RPH3AL: variants seen among roughly 807,000 people sequenced by gnomAD.
RPH3AL encodes rab effector Noc2.
In RPH3AL, 38 loss-of-function variants were observed where a neutral mutation model predicts 43.1. That is an observed-to-expected ratio of 0.88 (90% CI 0.68 to 1.15). The LOEUF is 1.15. Among genes scored for constraint, RPH3AL ranks in the 50% most tolerant of loss-of-function variants. RPH3AL has a pLI of 0.00. For missense variants in RPH3AL, 462 were observed against 423.2 expected (o/e 1.09, Z -0.81); for synonymous variants, 189 against 176.3 (o/e 1.07, Z -0.57).
rs184909960 is a variant in RPH3AL, at chr17:277,593, G to A, written c.438+4175C>T. Reference sequence around the variant, plus strand: ...GCAGACAGAGTACCCTTTAAAAGAGGGGGAGATCGGATTCTGTCTCCGCTT... The same window carrying A: ...GCAGACAGAGTACCCTTTAAAAGAGAGGGAGATCGGATTCTGTCTCCGCTT... On this transcript the variant is annotated intron_variant, in intron 6 of 9. Coordinates refer to ENST00000331302, the MANE Select transcript of RPH3AL (RefSeq NM_006987.4). 8.9e-4 allele frequency among the ~76,000 whole-genome samples: 135 copies of A among 152,298 alleles called. 2 individuals carry two copies. Among genetic ancestry groups the A allele is most frequent in the African/African-American group, 3.1e-3 (129 of 41,548 alleles).
rs1025660879 is a variant in RPH3AL, at chr17:274,103, G to C, written c.438+7665C>G. On this transcript the variant is annotated intron_variant, in intron 6 of 9. Transcript: ENST00000331302. The surrounding 1 kb of genome is among the most constrained non-coding windows in gnomAD (Gnocchi z 4.7). ...GTTTTCGTTTAGTGGATAGGGATTC[G>C]AGGCTAAACAGTAAATGAAATGAAT... 6.6e-6 allele frequency among the ~76,000 whole-genome samples: 1 copy of C among 152,184 alleles called. No individual in the cohort carries two copies. Among genetic ancestry groups the C allele is most frequent in the Admixed American group, 6.5e-5 (1 of 15,276 alleles).
chr17:293,857 C>A (rs539534426), intron 5 of RPH3AL, among the ~76,000 whole-genome samples: 1 of 152,026 alleles, frequency 6.6e-6, no homozygotes, highest in East Asian at 1.9e-4. Context: ...GGCGAAACCC[C>A]GTCTCTACTA....
chr17:249,917 T>C (rs1322955004), intron 6 of RPH3AL, among the ~76,000 whole-genome samples: 4 of 148,306 alleles, frequency 2.7e-5, no homozygotes, highest in African/African-American at 1.0e-4. Context: ...TCTCAGAGCC[T>C]TTACTAAGCT....
intron 6 of RPH3AL, among the ~76,000 whole-genome samples, chr17:273,064 AGGGCGACGTCAGGGAGAGACCCCAGCG>A (rs2042542685): frequency 2.1e-5 from 3 of 142,816 alleles, no homozygotes; most frequent in East Asian, 4.4e-4. Flanking sequence ...GACCCCAGCG[AGGGCGACGTCAGGGAGAGACCCCAGCG>A]AGGGTGACGT....
At position 306,249 on chromosome 17, in the gene RPH3AL, G is replaced by A. The variant is rs112258801; in HGVS notation, c.351+13171C>T. Among the ~76,000 whole-genome samples the A allele has an allele frequency of 1.4e-3, 219 of 151,116 alleles. 1 individual carries two copies. Among genetic ancestry groups the A allele is most frequent in the African/African-American group, 5.0e-3 (205 of 41,076 alleles). On this transcript the variant is annotated intron_variant, in intron 5 of 9. Transcript: ENST00000331302. ...GCCCCCCTGGAACCCCAGCTCCACC[G>A]CCAACATGCCCCACGAGCCCCTTCC...
rs2151609299 is a variant in RPH3AL, at chr17:283,423, AGGTAC to A, written c.352-1574_352-1570del. Among the ~76,000 whole-genome samples the A allele has an allele frequency of 6.6e-6, 1 of 152,308 alleles. No individual in the cohort carries two copies. The highest frequency in any genetic ancestry group is 2.4e-5 in the African/African-American group (1 of 41,568). On this transcript the variant is annotated intron_variant, in intron 5 of 9. Coordinates refer to ENST00000331302, the MANE Select transcript of RPH3AL (RefSeq NM_006987.4). This position sits in a 1 kb window ranked among gnomAD's most constrained non-coding sequence, Gnocchi z 4.2. Reference sequence around the variant, plus strand: ...ACGGATTTGCTACCATCCAATGCTCAGGTACGAGAAATGTCACCTTTTATTTATCC... The same window carrying A: ...ACGGATTTGCTACCATCCAATGCTCAGAGAAATGTCACCTTTTATTTATCC...
intron 1 of RPH3AL, among the ~76,000 whole-genome samples, chr17:337,463 T>C (rs1272245880): frequency 1.4e-4 from 21 of 152,158 alleles, no homozygotes; most frequent in Admixed American, 1.4e-3. Context: ...GCTGGCCTCC[T>C]TAACCTGCCT....
chr17:341,754 T>C (rs1163544588), intron 1 of RPH3AL, among the ~76,000 whole-genome samples: 3 of 152,172 alleles, frequency 2.0e-5, no homozygotes, highest in Non-Finnish European at 4.4e-5. Context: ...TGCCGTGCTG[T>C]TTAGGTTCAT....
chr17:219,571 G>T, intron 8 of RPH3AL, 52 bp downstream of exon 8: 1 of 650,746 alleles, frequency 1.5e-6, no homozygotes. Context: ...TGTTGCCCAG[G>T]CTGGAGTGCA....
chr17:327,342 C>T, intron 3 of RPH3AL, 125 bp downstream of exon 3: 1 of 804,428 alleles, frequency 1.2e-6, no homozygotes, highest in Middle Eastern at 2.4e-4. Flanking sequence ...GTGTGGCATG[C>T]ATCCGACAGG....
chr17:237,343 C>T (rs2041422571), intron 7 of RPH3AL, among the ~76,000 whole-genome samples: 1 of 152,204 alleles, frequency 6.6e-6, no homozygotes, highest in Non-Finnish European at 1.5e-5. Flanking sequence ...TGTAAGGGAA[C>T]CAGTGTGTCA....
At chr17:227,312 G>C (rs975696708) in intron 7 of RPH3AL, among the ~76,000 whole-genome samples, 9 of 149,642 alleles carry the variant, frequency 6.0e-5, no homozygotes, top group African/African-American at 2.2e-4. Context: ...GGAAACGCAG[G>C]GTTTTGGTAC....
rs777370423 is a variant in RPH3AL at position 321,428 on chromosome 17, C to T, written c.78-13G>A. The stretch of plus-strand genomic sequence containing the variant: ...GCCCGTCTGCAGCCTCGAGAGGGAA[C>T]AGCACAGACGGCGTGGAGGCCTCCC... On this transcript the variant is annotated splice_polypyrimidine_tract_variant and intron_variant, in intron 3 of 9. Transcript: ENST00000331302. The T allele has an allele frequency of 1.9e-6, 3 of 1,593,456 alleles. No individual in the cohort carries two copies. The highest frequency in any genetic ancestry group is 8.5e-7 in the Non-Finnish European group (1 of 1,171,416).
rs1289678357 is a variant in RPH3AL at position 264,461 on chromosome 17, G to C, written c.439-17176C>G. Among the ~76,000 whole-genome samples, 8 of 144,412 alleles carry C rather than the reference G, an allele frequency of 5.5e-5. No homozygotes were observed. Among genetic ancestry groups the C allele is most frequent in the African/African-American group, 2.0e-4 (8 of 39,462 alleles). 94.7% of individuals were successfully genotyped at this position (144,412 alleles called of 152,430 possible). A position where few individuals can be genotyped will look rare whatever the true frequency, so the allele number is the denominator to read the frequency against. Reference sequence around the variant, plus strand: ...ATGTTGACAGCAGGATTACCCTTCGGAGCCGCGAGCGCTGGATGGGGACTC... The same window carrying C: ...ATGTTGACAGCAGGATTACCCTTCGCAGCCGCGAGCGCTGGATGGGGACTC... On this transcript the variant is annotated intron_variant, in intron 6 of 9. Coordinates refer to ENST00000331302, the MANE Select transcript of RPH3AL (RefSeq NM_006987.4). The surrounding 1 kb of genome is among the most constrained non-coding windows in gnomAD (Gnocchi z 4.8).
At position 333,341 on chromosome 17, in the gene RPH3AL, A is replaced by C; in HGVS notation, c.-37+418T>G. On this transcript the variant is annotated intron_variant, in intron 2 of 9. Transcript: ENST00000331302. This position sits in a 1 kb window ranked among gnomAD's most constrained non-coding sequence, Gnocchi z 4.5. ...TAAAGAGAAAACACCTTAAATTCTC[A>C]CATCAGCCACCCCCATGGCGACTCT... 6.7e-4 allele frequency: 837 copies of C among 1,250,146 alleles called. No homozygotes were observed. Among genetic ancestry groups the C allele is most frequent in the Middle Eastern group, 1.3e-3 (4 of 3,010 alleles). 77.4% of individuals were successfully genotyped at this position (1,250,146 alleles called of 1,614,324 possible).
At chr17:316,464 C>A in intron 5 of RPH3AL, among the ~76,000 whole-genome samples, 1 of 151,258 alleles carries the variant, frequency 6.6e-6, no homozygotes, top group African/African-American at 2.4e-5. Context: ...CTCCACTGAC[C>A]TGTAGTCTCT....
At position 319,485 on chromosome 17, in the gene RPH3AL, G is replaced by T. The variant is rs772363685; in HGVS notation, c.286C>A (p.Leu96Met). The change falls in exon 5 of 10, where the codon CTG becomes ATG. Residue 96 changes from leucine to methionine, a missense_variant. By Grantham distance (15) the Leu-to-Met change is conservative (BLOSUM62 2). Coordinates refer to ENST00000331302, the MANE Select transcript of RPH3AL (RefSeq NM_006987.4). Reference protein sequence around the residue: ...NVMGNGLSQCLLCGEVLGFLG... With the variant: ...NVMGNGLSQCMLCGEVLGFLG... ...AAGCCCAGCACCTCCCCGCAGAGCA[G>T]ACACTGGGACAGGCCGTTCCCCATC... The T allele has an allele frequency of 1.2e-5, 20 of 1,612,526 alleles. No individual in the cohort carries two copies. In the Admixed American group the frequency reaches 3.3e-4, roughly 27 times the overall value.
chr17:307,322 G>A (rs113481443), intron 5 of RPH3AL, among the ~76,000 whole-genome samples: 8 of 132,140 alleles, frequency 6.1e-5, no homozygotes, highest in African/African-American at 2.3e-4. Context: ...CCCACGGCAG[G>A]TCCTCCCCAC....
At chr17:268,191 GA>G (rs1314108601) in intron 6 of RPH3AL, among the ~76,000 whole-genome samples, 2 of 152,082 alleles carry the variant, frequency 1.3e-5, no homozygotes, top group Non-Finnish European at 2.9e-5. Context: ...TCACCCTTGT[GA>G]CAACGAAAGC....
Sources: allele counts gnomAD v4.1 joint callset (sites outside exome capture counted in the v4.1 genomes callset), GRCh38; gene constraint gnomAD v4.1.1; non-coding constraint Gnocchi (gnomAD v3.1); transcripts MANE v1.5; gene names NCBI Gene and HGNC (gene_info 2026-07-23, HGNC 2026-07-21).